Variants in MFSD1 observed in about 807,000 individuals in gnomAD.
MFSD1 encodes the protein major facilitator superfamily domain containing 1, also known as lysosomal dipeptide transporter MFSD1.
A neutral mutation model predicts 67.1 loss-of-function variants in MFSD1; 59 were observed. That is an observed-to-expected ratio of 0.88 (90% CI 0.71 to 1.09). The LOEUF (loss-of-function observed/expected upper bound fraction) is 1.09, where lower values mean the gene tolerates loss of function less well. MFSD1 is among the 50% of genes least tolerant of loss of function. The probability of loss-of-function intolerance (pLI) is 0.00; values close to 1 mark genes in which losing one functional copy is unlikely to be tolerated. For missense variants in MFSD1, 552 were observed against 566.1 expected (o/e 0.97, Z 0.25); for synonymous variants, 213 against 200.3 (o/e 1.06, Z -0.54).
At chr3:158,804,181 T>C (rs1729600790) in intron 1 of MFSD1, 138 bp from the exon 2 acceptor site, 7 of 574,500 alleles carry the variant, frequency 1.2e-5, no homozygotes, top group Non-Finnish European at 2.1e-5. Context: ...TACTGGTGGA[T>C]AAGGAAGTGG....
chr3:158,825,598 A>G (rs1730924560), intron 13 of MFSD1, among the ~76,000 whole-genome samples: 1 of 152,232 alleles, frequency 6.6e-6, no homozygotes, highest in Non-Finnish European at 1.5e-5. Flanking sequence ...TGTAAAATGG[A>G]CATGGCATTT....
In MFSD1 at chr3:158,814,085, C is replaced by T. The variant is rs1289024804; in HGVS notation, c.652+18C>T. The T allele has an allele frequency of 5.7e-6, 9 of 1,570,686 alleles. No individual in the cohort carries two copies. Among genetic ancestry groups the T allele is most frequent in the African/African-American group, 1.4e-5 (1 of 74,072 alleles). On this transcript the variant is annotated intron_variant, in intron 7 of 15. Transcript: ENST00000415822. ...TATGATTGGTGAGTGAATCCCATGT[C>T]CCACATCTCTCCTCTTCTGAAGGCT...
At chr3:158,811,636 G>A (rs1470075182) in intron 6 of MFSD1, among the ~76,000 whole-genome samples, 1 of 152,176 alleles carries the variant, frequency 6.6e-6, no homozygotes, top group Non-Finnish European at 1.5e-5. Context: ...TATAGGCTGT[G>A]GTATCCTGAA....
At chr3:158,804,291 T>G (rs929785753) in intron 1 of MFSD1, 28 bp from the exon 2 acceptor site, 1 of 1,555,972 alleles carries the variant, frequency 6.4e-7, no homozygotes, top group Non-Finnish European at 8.8e-7. Flanking sequence ...GAAGTATTAT[T>G]ACTTATAAAG....
Position 158,814,053 on chromosome 3 carries a change from T to A in MFSD1, c.638T>A (p.Ile213Asn), listed in dbSNP as rs1178079064. The change falls in exon 7 of 16, where the codon ATC becomes AAC. Residue 213 changes from isoleucine to asparagine, a missense_variant. Transcript: ENST00000415822. Reference sequence around the variant, plus strand: ...TCTGCTGGTCACACAACCCTCGGGATCACACTTATGATTGGTGAGTGAATC... The same window carrying A: ...TCTGCTGGTCACACAACCCTCGGGAACACACTTATGATTGGTGAGTGAATC... The part of the protein sequence containing the change: ...LGSAGHTTLG[I>N]TLMIGGITCI... The A allele has an allele frequency of 6.2e-7, 1 of 1,613,388 alleles. No homozygotes were observed. Among genetic ancestry groups the A allele is most frequent in the Non-Finnish European group, 8.5e-7 (1 of 1,179,478 alleles).
At position 158,813,830 on chromosome 3, in the gene MFSD1, G is replaced by C. The variant is rs944270245; in HGVS notation, c.550-135G>C. 3 of 279,480 alleles carry C rather than the reference G, an allele frequency of 1.1e-5. No homozygotes were observed. The East Asian group carries it at 2.0e-4, about 19-fold the overall frequency. The allele number at this position is 279,480 out of a possible 1,614,324, so 17.3% of individuals were successfully genotyped here. On this transcript the variant is annotated intron_variant, in intron 6 of 15. Transcript: ENST00000415822. ...TATCTTGGTTTGTCAATTTTTTCTT[G>C]TAGTGTCTTTTAAGGAAATTACCTC...
rs1729481526 is a variant in MFSD1 at position 158,802,187 on chromosome 3, T to C, written c.35T>C (p.Leu12Pro). The change falls in exon 1 of 16, where the codon CTG (leucine) becomes CCG (proline). Residue 12 changes from leucine to proline, a missense_variant. By Grantham distance (98) the Leu-to-Pro change is moderately conservative. Coordinates refer to ENST00000415822, the MANE Select transcript of MFSD1 (RefSeq NM_022736.4). ...EEEDEEARAL[L>P]AGGPDEADRG... ...GAGGATGAGGAAGCGCGGGCGCTCC[T>C]GGCAGGCGGCCCTGACGAGGCCGAC... The C allele has an allele frequency of 6.2e-7, 1 of 1,611,636 alleles. No individual in the cohort carries two copies.
chr3:158,823,311 A>C, intron 11 of MFSD1, 117 bp from the exon 12 acceptor site: 1 of 734,424 alleles, frequency 1.4e-6, no homozygotes, highest in Non-Finnish European at 2.5e-6. Context: ...AATAACAACA[A>C]AATTTGCTTG....
intron 9 of MFSD1, among the ~76,000 whole-genome samples, chr3:158,820,678 A>G (rs1730625846): frequency 6.6e-6 from 1 of 152,190 alleles, no homozygotes; most frequent in Non-Finnish European, 1.5e-5. Context: ...AAGGGAAGCA[A>G]ACATTCTTCA....
chr3:158,802,136 C>G lies in MFSD1; in HGVS notation c.-17C>G, dbSNP rs752128154. 6 of 1,611,574 alleles carry G rather than the reference C, an allele frequency of 3.7e-6. No homozygotes were observed. Among genetic ancestry groups the G allele is most frequent in the Admixed American group, 1.7e-5 (1 of 59,856 alleles). ...GGAGTTGTCACCACTTTCCCCTCTC[C>G]GTCTCCTGCGGGCGCAATGGAGGAG... On this transcript the variant is annotated 5_prime_UTR_variant, in exon 1 of 16. Transcript: ENST00000415822.
intron 2 of MFSD1, 150 bp downstream of exon 2, chr3:158,804,521 T>A: frequency 7.2e-6 from 4 of 552,946 alleles, no homozygotes; most frequent in Non-Finnish European, 1.3e-5. Context: ...TTGCAAGGGG[T>A]GTTCTTAAGT....
intron 1 of MFSD1, 140 bp from the exon 2 acceptor site, chr3:158,804,179 G>A: frequency 1.7e-6 from 1 of 573,244 alleles, no homozygotes; most frequent in Non-Finnish European, 3.0e-6. Flanking sequence ...AATACTGGTG[G>A]ATAAGGAAGT....
intron 7 of MFSD1, among the ~76,000 whole-genome samples, chr3:158,815,942 T>TGG (rs1730310648): frequency 6.6e-6 from 1 of 152,144 alleles, no homozygotes; most frequent in Non-Finnish European, 1.5e-5. Flanking sequence ...CTGAGAATGA[T>TGG]GATTTCCAGT....
rs568256515 is a variant in MFSD1 at position 158,818,733 on chromosome 3, C to T, written c.653-916C>T. 8.6e-4 allele frequency among the ~76,000 whole-genome samples: 131 copies of T among 152,300 alleles called. 2 individuals carry two copies. Among genetic ancestry groups the T allele is most frequent in the South Asian group, 5.0e-3 (24 of 4,826 alleles). Reference sequence around the variant, plus strand: ...ATTTAAAGATTCTTTCAAACTCTCCCTCTCAAATCCTTTGCCTTACTTAAA... The same window carrying T: ...ATTTAAAGATTCTTTCAAACTCTCCTTCTCAAATCCTTTGCCTTACTTAAA... On this transcript the variant is annotated intron_variant, in intron 7 of 15. Coordinates refer to ENST00000415822, the MANE Select transcript of MFSD1 (RefSeq NM_022736.4).
chr3:158,809,245 A>C lies in MFSD1; in HGVS notation c.507A>C (p.Glu169Asp). The change falls in exon 6 of 16, where the codon GAA (glutamate) becomes GAC (aspartate). Residue 169 changes from glutamate to aspartate, a missense_variant. Transcript: ENST00000415822. Reference protein sequence around the residue: ...TYAVSWFKGKELNLVFGLQLS... With the variant: ...TYAVSWFKGKDLNLVFGLQLS... ...CTGTGAGCTGGTTTAAAGGCAAAGA[A>C]TTAAACCTGGTGTTTGGACTTCAAC... 1 of 1,611,796 alleles carries C rather than the reference A, an allele frequency of 6.2e-7. No homozygotes were observed.
chr3:158,820,361 T>A, intron 9 of MFSD1, 35 bp downstream of exon 9: 2 of 1,388,490 alleles, frequency 1.4e-6, no homozygotes, highest in Non-Finnish European at 2.0e-6. Context: ...ATTTCTTGTC[T>A]AAATTATCAT....
intron 5 of MFSD1, 181 bp from the exon 6 acceptor site, chr3:158,808,998 C>G: frequency 4.1e-6 from 2 of 489,488 alleles, no homozygotes; most frequent in South Asian, 7.0e-5. Context: ...ATCACACTGT[C>G]TCATTTCCAC....
chr3:158,816,791 G>A (rs200322709), intron 7 of MFSD1, among the ~76,000 whole-genome samples: 324 of 150,116 alleles, frequency 2.2e-3, no homozygotes, highest in African/African-American at 7.0e-3. Context: ...TAGGTCTAAC[G>A]TTTAAGTCTT....
chr3:158,809,380 G>T, intron 6 of MFSD1, 93 bp downstream of exon 6: 5 of 811,650 alleles, frequency 6.2e-6, no homozygotes, highest in Non-Finnish European at 9.7e-6. Flanking sequence ...ATGTATTTGT[G>T]TATGGTAAAT....
Sources: gnomAD v4.1 joint callset for allele counts (sites outside exome capture counted in the v4.1 genomes callset) on GRCh38, gnomAD v4.1.1 for gene constraint, MANE v1.5 for transcripts, NCBI Gene and HGNC (gene_info 2026-07-23, HGNC 2026-07-21) for gene names.